CBFA2T2: variants seen among roughly 807,000 people sequenced by gnomAD.
The protein encoded by CBFA2T2 is CBFA2/RUNX1 partner transcriptional co-repressor 2.
Under a neutral mutation model 62.2 loss-of-function variants are expected in CBFA2T2, and 11 were observed. That is an observed-to-expected ratio of 0.18 (90% CI 0.11 to 0.29). The LOEUF (loss-of-function observed/expected upper bound fraction) is 0.29, where lower values mean the gene tolerates loss of function less well. Among genes scored for constraint, CBFA2T2 ranks in the 10% least tolerant of loss-of-function variants. The probability of loss-of-function intolerance (pLI) is 1.00; values close to 1 mark genes in which losing one functional copy is unlikely to be tolerated. For synonymous variants in CBFA2T2, 295 were observed against 287.5 expected, an observed-to-expected ratio of 1.03 and a Z score of -0.27; for missense variants, 592 against 774.1, an observed-to-expected ratio of 0.76 and a Z score of 2.79.
chr20:33,492,659 C>A (rs1432660608), intron 1 of CBFA2T2, among the ~76,000 whole-genome samples: 1 of 151,506 alleles, frequency 6.6e-6, no homozygotes. Context: ...GGACTCCAGG[C>A]GCCACCACAC....
chr20:33,592,642 C>G lies in CBFA2T2; in HGVS notation c.35-14314C>G, dbSNP rs1044149910. Among the ~76,000 whole-genome samples the G allele has an allele frequency of 4.0e-5, 6 of 151,626 alleles. No homozygotes were observed. The East Asian group carries it at 1.2e-3, about 29-fold the overall frequency. ...TGGGAGGCTGAGGATCACTTGAGCC[C>G]AAGAGTTTGAGGTCAGCCTTGGTAA... On this transcript the variant is annotated intron_variant, in intron 1 of 10. Transcript: ENST00000342704.
intron 1 of CBFA2T2, among the ~76,000 whole-genome samples, chr20:33,556,786 C>T (rs1213756398): frequency 6.6e-6 from 1 of 151,948 alleles, no homozygotes; most frequent in Non-Finnish European, 1.5e-5. Context: ...TATTGGCATT[C>T]TAATGAAGGA....
At chr20:33,623,382 C>A in intron 5 of CBFA2T2, 86 bp downstream of exon 5, 1 of 1,497,660 alleles carries the variant, frequency 6.7e-7, no homozygotes, top group Non-Finnish European at 9.2e-7. Flanking sequence ...AATTTGATTG[C>A]TGTGGTTGTA....
intron 1 of CBFA2T2, among the ~76,000 whole-genome samples, chr20:33,568,264 C>G (rs984992311): frequency 3.3e-5 from 5 of 152,136 alleles, no homozygotes; most frequent in Admixed American, 6.5e-5. Context: ...TTTCCCAGTC[C>G]CCCAAAAACA....
intron 1 of CBFA2T2, among the ~76,000 whole-genome samples, chr20:33,512,609 G>C (rs2011529400): frequency 6.6e-6 from 1 of 152,084 alleles, no homozygotes; most frequent in Non-Finnish European, 1.5e-5. Flanking sequence ...TCAAATTTCT[G>C]TCTAGGGTTT....
At position 33,611,290 on chromosome 20, in the gene CBFA2T2, C is replaced by T. The variant is rs148272420; in HGVS notation, c.375C>T (p.Ser125=). 34 of 1,614,050 alleles carry T rather than the reference C, an allele frequency of 2.1e-5. No individual in the cohort carries two copies. Among genetic ancestry groups the T allele is most frequent in the Non-Finnish European group, 2.9e-5 (34 of 1,180,038 alleles). The change falls in exon 3 of 11, where the codon TCC becomes TCT. Residue 125 remains serine, a synonymous_variant. Coordinates refer to ENST00000342704, the MANE Select transcript of CBFA2T2 (RefSeq NM_001032999.3). ...TGCAACAGTTTGGCAATGACATCTC[C>T]CCTGAGATTGGGGAGAAGGTGCGGA... ...TTLQQFGNDI[S]PEIGEKVRTL...
chr20:33,543,186 G>A (rs1007995719), intron 1 of CBFA2T2, among the ~76,000 whole-genome samples: 11 of 151,560 alleles, frequency 7.3e-5, no homozygotes, highest in African/African-American at 1.5e-4. Context: ...GCTAACTTTT[G>A]TGTTTGTAGT....
At chr20:33,594,017 T>G (rs2146929572) in intron 1 of CBFA2T2, among the ~76,000 whole-genome samples, 1 of 152,144 alleles carries the variant, frequency 6.6e-6, no homozygotes, top group East Asian at 1.9e-4. Context: ...GGAAGATCTG[T>G]TTTAGGTTTT....
intron 1 of CBFA2T2, among the ~76,000 whole-genome samples, chr20:33,569,024 A>G (rs763270768): frequency 1.3e-5 from 2 of 152,222 alleles, no homozygotes; most frequent in Non-Finnish European, 2.9e-5. Flanking sequence ...TAAATCTTTT[A>G]AATGTCTGGA....
intron 4 of CBFA2T2, among the ~76,000 whole-genome samples, chr20:33,620,299 G>A (rs2015895630): frequency 6.6e-6 from 1 of 151,948 alleles, no homozygotes. Context: ...CATGAGCTCA[G>A]GAGTTCAAGA....
At chr20:33,613,707 G>A (rs955494061) in intron 3 of CBFA2T2, among the ~76,000 whole-genome samples, 5 of 152,062 alleles carry the variant, frequency 3.3e-5, no homozygotes, top group African/African-American at 1.2e-4. Context: ...CACCCTTATC[G>A]GTTAGGGAGA....
chr20:33,633,781 A>G (rs2016535638), intron 8 of CBFA2T2, among the ~76,000 whole-genome samples: 2 of 152,202 alleles, frequency 1.3e-5, no homozygotes, highest in South Asian at 4.1e-4. Context: ...TCTGGCTAGC[A>G]TTATTTAAAT....
At chr20:33,548,245 A>AT (rs960786078) in intron 1 of CBFA2T2, among the ~76,000 whole-genome samples, 3 of 150,168 alleles carry the variant, frequency 2.0e-5, no homozygotes, top group Non-Finnish European at 4.4e-5. Context: ...TTTTATTTTT[A>AT]TTTTTTTTAT....
intron 1 of CBFA2T2, among the ~76,000 whole-genome samples, chr20:33,529,775 ATATATATTTCTTTT>A (rs2012000036): frequency 3.8e-5 from 1 of 26,600 alleles, no homozygotes; most frequent in African/African-American, 8.7e-5. Flanking sequence ...ATATATATAT[ATATATATTTCTTTT>A]TTTTTTTTTA....
rs1568830356 is a variant in CBFA2T2 at position 33,579,104 on chromosome 20, G to GTTT, written c.35-27852_35-27851insTTT. Among the ~76,000 whole-genome samples, 71 of 147,990 alleles carry GTTT rather than the reference G, an allele frequency of 4.8e-4. 2 individuals carry two copies. Among genetic ancestry groups the GTTT allele is most frequent in the Admixed American group, 4.4e-3 (63 of 14,252 alleles). ...TGAGTGCCTTTTTGGTTTTTTTGGG[G>GTTT]GTTTTTTTTTGTTTTTTTTTTTTTT... On this transcript the variant is annotated intron_variant, in intron 1 of 10. Transcript: ENST00000342704.
chr20:33,559,340 A>T (rs951665155), intron 1 of CBFA2T2, among the ~76,000 whole-genome samples: 1 of 151,540 alleles, frequency 6.6e-6, no homozygotes, highest in South Asian at 2.1e-4. Flanking sequence ...TGCCTGGCTA[A>T]TTTTTGTATT....
At chr20:33,533,411 C>A (rs1408315828) in intron 1 of CBFA2T2, among the ~76,000 whole-genome samples, 1 of 152,086 alleles carries the variant, frequency 6.6e-6, no homozygotes, top group Non-Finnish European at 1.5e-5. Context: ...AATATGCACT[C>A]CTTTCCTTCC....
At chr20:33,594,820 C>G (rs1267071885) in intron 1 of CBFA2T2, among the ~76,000 whole-genome samples, 1 of 152,104 alleles carries the variant, frequency 6.6e-6, no homozygotes, top group South Asian at 2.1e-4. Context: ...GGGATTCAGT[C>G]GATTTTGATT....
intron 1 of CBFA2T2, among the ~76,000 whole-genome samples, chr20:33,593,740 C>G (rs2014766675): frequency 6.6e-6 from 1 of 152,044 alleles, no homozygotes; most frequent in African/African-American, 2.4e-5. Context: ...ATATCTGCTT[C>G]TGCATTAATC....
Sources: allele counts gnomAD v4.1 joint callset (sites outside exome capture counted in the v4.1 genomes callset), GRCh38; gene constraint gnomAD v4.1.1; transcripts MANE v1.5; gene names NCBI Gene and HGNC (gene_info 2026-07-23, HGNC 2026-07-21).